OPCML: variants seen among roughly 807,000 people sequenced by gnomAD.
OPCML encodes the protein opioid binding protein/cell adhesion molecule like.
Under a neutral mutation model 37.8 loss-of-function variants are expected in OPCML, and 13 were observed. That is an observed-to-expected ratio of 0.34 (90% CI 0.22 to 0.55). OPCML has a LOEUF of 0.55. Ranked by LOEUF, OPCML falls within the 20% of genes least tolerant of loss-of-function variation. The pLI is 0.91. For missense variants in OPCML, 341 were observed against 435.6 expected (o/e 0.78, Z 1.93); for synonymous variants, 176 against 168.8 (o/e 1.04, Z -0.33).
Position 133,006,396 on chromosome 11 carries a change from C to A in OPCML, c.62-63386G>T, listed in dbSNP as rs1253231514. The A allele has an allele frequency of 4.1e-6, 4 of 967,696 alleles. No homozygotes were observed. The South Asian group carries it at 1.4e-4, about 35-fold the overall frequency. The allele number at this position is 967,696 out of a possible 1,614,324, so 59.9% of individuals were successfully genotyped here. A position where few individuals can be genotyped will look rare whatever the true frequency, so the allele number is the denominator to read the frequency against. On this transcript the variant is annotated intron_variant, in intron 1 of 7. Transcript: ENST00000524381. ...ATTTTCTTGGCCATGGGACAAAGAA[C>A]CCCATCTTTAGCTGAACTGAAAAAA...
intron 1 of OPCML, among the ~76,000 whole-genome samples, chr11:133,525,008 A>G (rs970306204): frequency 1.3e-5 from 2 of 152,154 alleles, no homozygotes; most frequent in African/African-American, 4.8e-5. Context: ...GCTCTCTCCC[A>G]CCCGTGCTAG....
chr11:132,639,155 G>A lies in OPCML; in HGVS notation c.379+17932C>T, dbSNP rs530341139. Among the ~76,000 whole-genome samples the A allele has an allele frequency of 5.1e-4, 78 of 152,298 alleles. No homozygotes were observed. The South Asian group carries it at 0.016, about 32-fold the overall frequency. ...ACCTTGATTAGAAAAATCAAAACTG[G>A]TCAGGACCCAGTACAGCTTTTAACA... On this transcript the variant is annotated intron_variant, in intron 3 of 7. Transcript: ENST00000524381.
At chr11:133,243,293 C>T (rs531450930) in intron 1 of OPCML, among the ~76,000 whole-genome samples, 66 of 152,276 alleles carry the variant, frequency 4.3e-4, no homozygotes, top group African/African-American at 1.3e-3. Context: ...TGCAGTGGGA[C>T]GGAGACAGCC....
chr11:133,164,021 A>G (rs1057257228), intron 1 of OPCML, among the ~76,000 whole-genome samples: 22 of 152,274 alleles, frequency 1.4e-4, no homozygotes, highest in African/African-American at 4.8e-4. Flanking sequence ...CAACATTTCT[A>G]CTTAAAATAG....
chr11:133,395,034 T>C (rs975011721), intron 1 of OPCML, among the ~76,000 whole-genome samples: 2 of 152,222 alleles, frequency 1.3e-5, no homozygotes, highest in Non-Finnish European at 1.5e-5. Context: ...TGCCAGCATT[T>C]GTTATTGCCT....
intron 1 of OPCML, among the ~76,000 whole-genome samples, chr11:133,220,041 C>A (rs1939751110): frequency 1.3e-5 from 2 of 152,156 alleles, no homozygotes; most frequent in Non-Finnish European, 2.9e-5. Flanking sequence ...ACCTTATTCC[C>A]TCACCAAATA....
chr11:133,002,037 A>G (rs532759865), intron 1 of OPCML, among the ~76,000 whole-genome samples: 1 of 152,340 alleles, frequency 6.6e-6, no homozygotes, highest in East Asian at 1.9e-4. Flanking sequence ...GTGGTTTGAA[A>G]GTGATACAAT....
chr11:132,919,396 T>G (rs909685202), intron 2 of OPCML, among the ~76,000 whole-genome samples: 19 of 152,162 alleles, frequency 1.2e-4, no homozygotes, highest in African/African-American at 4.6e-4. Flanking sequence ...CCCGGCAGGG[T>G]CCAGATGACC....
chr11:133,042,230 C>T (rs1423153547), intron 1 of OPCML, among the ~76,000 whole-genome samples: 1 of 152,208 alleles, frequency 6.6e-6, no homozygotes, highest in Non-Finnish European at 1.5e-5. Context: ...CCAGCCCTTA[C>T]CCTCCACACT....
chr11:132,427,078 T>A (rs1228527257), intron 7 of OPCML, among the ~76,000 whole-genome samples: 1 of 152,070 alleles, frequency 6.6e-6, no homozygotes, highest in African/African-American at 2.4e-5. Context: ...ATGACATCGA[T>A]CTCCAGCAAC....
intron 1 of OPCML, among the ~76,000 whole-genome samples, chr11:133,051,862 C>G (rs1948137741): frequency 6.6e-6 from 1 of 152,222 alleles, no homozygotes; most frequent in Admixed American, 6.5e-5. Context: ...AGCTCTGCTG[C>G]AGGCACTTCA....
intron 1 of OPCML, among the ~76,000 whole-genome samples, chr11:133,060,212 C>T (rs1012161983): frequency 3.3e-5 from 5 of 151,598 alleles, no homozygotes; most frequent in East Asian, 1.9e-4. Context: ...CTCTCCCTCC[C>T]CCTCCACCTC....
chr11:133,198,049 T>C (rs1388644034), intron 1 of OPCML, among the ~76,000 whole-genome samples: 1 of 152,178 alleles, frequency 6.6e-6, no homozygotes, highest in African/African-American at 2.4e-5. Flanking sequence ...TCCACACTTC[T>C]ACGCTAGCAG....
intron 1 of OPCML, among the ~76,000 whole-genome samples, chr11:133,484,127 TGATA>T (rs199751890): frequency 5.5e-4 from 82 of 148,988 alleles, no homozygotes; most frequent in Admixed American, 2.0e-3. Flanking sequence ...GATAGATGAT[TGATA>T]GATAGATGAT....
chr11:133,328,369 C>T (rs1259734099), intron 1 of OPCML, among the ~76,000 whole-genome samples: 1 of 151,934 alleles, frequency 6.6e-6, no homozygotes, highest in African/African-American at 2.4e-5. Flanking sequence ...TGTTGGCCAG[C>T]GTGGTCTCGA....
chr11:132,504,521 G>A (rs775592941), intron 4 of OPCML, among the ~76,000 whole-genome samples: 15 of 152,190 alleles, frequency 9.9e-5, no homozygotes, highest in Admixed American at 3.9e-4. Flanking sequence ...ACTTGGTGCT[G>A]CAGTCATTTG....
chr11:132,752,578 T>G (rs1189032887), intron 2 of OPCML, among the ~76,000 whole-genome samples: 1 of 152,114 alleles, frequency 6.6e-6, no homozygotes, highest in East Asian at 1.9e-4. Flanking sequence ...TCTGTAGAAG[T>G]TGATCCTCTA....
chr11:133,198,615 G>T (rs1005283454), intron 1 of OPCML, among the ~76,000 whole-genome samples: 1 of 152,208 alleles, frequency 6.6e-6, no homozygotes. Context: ...GCACTGTGGA[G>T]AGGTGGACTC....
chr11:132,435,270 A>G (rs573881724), intron 7 of OPCML: 6 of 1,287,830 alleles, frequency 4.7e-6, no homozygotes, highest in African/African-American at 3.0e-5. Flanking sequence ...TTGGTGGACA[A>G]AGTTTACTTA....
Sources: allele counts gnomAD v4.1 joint callset (sites outside exome capture counted in the v4.1 genomes callset), GRCh38; gene constraint gnomAD v4.1.1; transcripts MANE v1.5; gene names NCBI Gene and HGNC (gene_info 2026-07-23, HGNC 2026-07-21).